WDR7: variants seen among roughly 807,000 people sequenced by gnomAD.
WDR7 encodes WD repeat domain 7.
WDR7 carries 46 observed loss-of-function variants against 169.4 expected under a neutral mutation model. That is an observed-to-expected ratio of 0.27 (90% CI 0.21 to 0.35). The LOEUF is 0.35. WDR7 is among the 10% of genes least tolerant of loss of function. The pLI, the probability that WDR7 is intolerant of heterozygous loss-of-function variation, is 1.00. For synonymous variants in WDR7, 612 were observed against 666.8 expected (o/e 0.92, Z 1.27); for missense variants, 1,534 against 1,859.3 (o/e 0.83, Z 3.22).
Position 56,757,309 on chromosome 18 carries a change from A to G in WDR7, c.2716A>G (p.Asn906Asp), listed in dbSNP as rs775620960. ...GGCAAATACTTTAATGAGTATGACC[A>G]ATGCAACTTTTATTGGTGATCATAT... Reference protein sequence around the residue: ...SLANTLMSMTNATFIGDHMKK... With the variant: ...SLANTLMSMTDATFIGDHMKK... The change falls in exon 15 of 28, where the codon AAT becomes GAT. Residue 906 changes from asparagine to aspartate, a missense_variant. Coordinates refer to ENST00000254442, the MANE Select transcript of WDR7 (RefSeq NM_015285.3). 1.9e-6 allele frequency: 3 copies of G among 1,612,612 alleles called. No individual in the cohort carries two copies. The highest frequency in any genetic ancestry group is 1.7e-5 in the Admixed American group (1 of 59,978).
intron 20 of WDR7, among the ~76,000 whole-genome samples, chr18:56,817,110 C>T (rs142828334): frequency 0.014 from 2,118 of 151,776 alleles, 29 homozygotes; most frequent in East Asian, 0.035. Flanking sequence ...TTTGGGAGGC[C>T]GAGGTGGGCA....
chr18:56,814,880 T>C (rs2044937782), intron 19 of WDR7, among the ~76,000 whole-genome samples: 2 of 152,150 alleles, frequency 1.3e-5, no homozygotes, highest in African/African-American at 2.4e-5. Context: ...AGCATTATTA[T>C]TATTATTATT....
chr18:57,000,808 G>T (rs1425260299), intron 26 of WDR7, among the ~76,000 whole-genome samples: 1 of 152,122 alleles, frequency 6.6e-6, no homozygotes, highest in African/African-American at 2.4e-5. Context: ...TAAATTTCTG[G>T]TGTAGAATCT....
intron 21 of WDR7, among the ~76,000 whole-genome samples, chr18:56,887,582 G>A (rs1475606255): frequency 6.6e-6 from 1 of 151,670 alleles, no homozygotes; most frequent in African/African-American, 2.4e-5. Context: ...TTCCTTTCTT[G>A]TTCTTAGCCT....
At chr18:56,910,941 TA>T (rs1175499615) in intron 21 of WDR7, among the ~76,000 whole-genome samples, 2 of 152,208 alleles carry the variant, frequency 1.3e-5, no homozygotes, top group African/African-American at 4.8e-5. Flanking sequence ...ATCCTTTTGT[TA>T]AAAAATATTT....
At chr18:56,940,047 T>G (rs1426146775) in intron 25 of WDR7, among the ~76,000 whole-genome samples, 1 of 152,060 alleles carries the variant, frequency 6.6e-6, no homozygotes, top group Non-Finnish European at 1.5e-5. Flanking sequence ...TTAAGCTTGG[T>G]TCTCAAAATG....
chr18:56,691,122 C>T, intron 7 of WDR7, 94 bp from the exon 8 acceptor site: 5 of 1,512,128 alleles, frequency 3.3e-6, no homozygotes, highest in Non-Finnish European at 8.8e-7. Context: ...TTTCTAAATA[C>T]ATTTCCAGGC....
chr18:56,933,130 C>G (rs971528385), intron 22 of WDR7, among the ~76,000 whole-genome samples: 1 of 152,134 alleles, frequency 6.6e-6, no homozygotes, highest in African/African-American at 2.4e-5. Flanking sequence ...AAGCCAGACC[C>G]TTTCTCTTAG....
chr18:56,682,657 T>G (rs1454168614), intron 4 of WDR7, 22 bp from the exon 5 acceptor site: 1 of 1,602,186 alleles, frequency 6.2e-7, no homozygotes, highest in Admixed American at 1.8e-5. Context: ...AGAAATCTTT[T>G]TTCCTTTTGG....
intron 20 of WDR7, among the ~76,000 whole-genome samples, chr18:56,858,782 A>G (rs2145400416): frequency 6.6e-6 from 1 of 152,378 alleles, no homozygotes; most frequent in South Asian, 2.1e-4. Flanking sequence ...TCAAATATTT[A>G]TTAAGCACCT....
Position 56,926,852 on chromosome 18 carries a change from G to A in WDR7, c.3713+2744G>A, listed in dbSNP as rs543663396. 6.0e-4 allele frequency among the ~76,000 whole-genome samples: 91 copies of A among 152,244 alleles called. 2 individuals carry two copies. In the South Asian group the frequency reaches 0.017, roughly 29 times the overall value. ...GGCCTGTTACATCCGTGACACACTC[G>A]GCAGAGGGTGCAGAGCCTGAGATGG... On this transcript the variant is annotated intron_variant, in intron 22 of 27. Transcript: ENST00000254442.
intron 25 of WDR7, among the ~76,000 whole-genome samples, chr18:56,959,265 C>T (rs755313203): frequency 1.3e-5 from 2 of 152,002 alleles, no homozygotes; most frequent in Admixed American, 6.6e-5. Flanking sequence ...ACTAGAGCAG[C>T]GTGAACAGGG....
At chr18:57,011,201 A>G (rs1568312638) in intron 26 of WDR7, among the ~76,000 whole-genome samples, 1 of 151,970 alleles carries the variant, frequency 6.6e-6, no homozygotes, top group Non-Finnish European at 1.5e-5. Flanking sequence ...TTAATATATA[A>G]CCCCCCCACA....
intron 19 of WDR7, among the ~76,000 whole-genome samples, chr18:56,812,311 G>A (rs1245444673): frequency 6.6e-6 from 1 of 152,114 alleles, no homozygotes; most frequent in East Asian, 1.9e-4. Flanking sequence ...TGTTTTCCAT[G>A]TTTTTTTCTT....
Position 56,866,616 on chromosome 18 carries a change from G to GAGAAAT in WDR7, c.3305-13327_3305-13322dup, listed in dbSNP as rs1489817036. Among the ~76,000 whole-genome samples, 9 of 152,128 alleles carry GAGAAAT rather than the reference G, an allele frequency of 5.9e-5. No homozygotes were observed. In the South Asian group the frequency reaches 1.0e-3, roughly 18 times the overall value. On this transcript the variant is annotated intron_variant, in intron 20 of 27. Transcript: ENST00000254442. ...AAATTATTTTTTCTTTTGCTAATAG[G>GAGAAAT]AGAAATTATGTTTCAGAGAAATGAT...
chr18:56,764,533 A>G (rs1284708339), intron 16 of WDR7, among the ~76,000 whole-genome samples: 1 of 152,128 alleles, frequency 6.6e-6, no homozygotes, highest in Non-Finnish European at 1.5e-5. Context: ...TATATGTATC[A>G]TTTTATGTGT....
At chr18:56,744,462 A>C (rs921887882) in intron 14 of WDR7, among the ~76,000 whole-genome samples, 1 of 152,074 alleles carries the variant, frequency 6.6e-6, no homozygotes, top group Non-Finnish European at 1.5e-5. Context: ...GGAGGGGTCT[A>C]AGAGCAAGTG....
intron 1 of WDR7, among the ~76,000 whole-genome samples, chr18:56,660,823 T>C (rs2144445000): frequency 6.6e-6 from 1 of 152,192 alleles, no homozygotes; most frequent in East Asian, 1.9e-4. Context: ...AAGATAAGGG[T>C]TAGAACTTGA....
In WDR7 at chr18:56,682,674, T is replaced by C. The variant is rs1369621852; in HGVS notation, c.346-5T>C. The C allele has an allele frequency of 6.2e-7, 1 of 1,609,396 alleles. No individual in the cohort carries two copies. Among genetic ancestry groups the C allele is most frequent in the South Asian group, 1.1e-5 (1 of 90,506 alleles). ...AAATCTTTTTTCCTTTTGGCATGAATGTAGTTCTACCAGTTCTCTGTTGGG... is the reference window on the plus strand; with the variant it reads ...AAATCTTTTTTCCTTTTGGCATGAACGTAGTTCTACCAGTTCTCTGTTGGG... On this transcript the variant is annotated splice_polypyrimidine_tract_variant and splice_region_variant and intron_variant, in intron 4 of 27. Transcript: ENST00000254442.
Sources: allele counts gnomAD v4.1 joint callset (sites outside exome capture counted in the v4.1 genomes callset), GRCh38; gene constraint gnomAD v4.1.1; transcripts MANE v1.5; gene names NCBI Gene and HGNC (gene_info 2026-07-23, HGNC 2026-07-21).